FAM135B: variants seen among roughly 807,000 people sequenced by gnomAD.
FAM135B encodes the protein protein FAM135B.
Under a neutral mutation model 127.7 loss-of-function variants are expected in FAM135B, and 43 were observed. That is an observed-to-expected ratio of 0.34 (90% confidence interval 0.26 to 0.43). The LOEUF is 0.43. Among genes scored for constraint, FAM135B ranks in the 20% least tolerant of loss-of-function variants. FAM135B has a pLI of 1.00. For missense variants in FAM135B, 1,558 were observed against 1,725.6 expected, an observed-to-expected ratio of 0.90 and a Z score of 1.72; for synonymous variants, 670 against 665.1, an observed-to-expected ratio of 1.01 and a Z score of -0.11.
At position 138,243,312 on chromosome 8, in the gene FAM135B, C is replaced by T. The variant is rs1820998472; in HGVS notation, c.543-244G>A. On this transcript the variant is annotated intron_variant, in intron 6 of 19. Transcript: ENST00000395297. This position sits in a 1 kb window ranked among gnomAD's most constrained non-coding sequence, Gnocchi z 7.5. ...TCCTACAATGTGTGCATGTAAATGCCCACCCTAAATGCCAACAACATACCT... is the reference window on the plus strand; with the variant it reads ...TCCTACAATGTGTGCATGTAAATGCTCACCCTAAATGCCAACAACATACCT... Among the ~76,000 whole-genome samples the T allele has an allele frequency of 1.3e-5, 2 of 151,978 alleles. No homozygotes were observed. Among genetic ancestry groups the T allele is most frequent in the African/African-American group, 4.8e-5 (2 of 41,362 alleles).
At chr8:138,394,590 G>A (rs1832760149) in intron 1 of FAM135B, among the ~76,000 whole-genome samples, 2 of 152,162 alleles carry the variant, frequency 1.3e-5, no homozygotes. Context: ...TACCTGTGGT[G>A]GTCTCATTTC....
chr8:138,142,362 G>A (rs747243888), intron 16 of FAM135B, among the ~76,000 whole-genome samples: 27 of 127,132 alleles, frequency 2.1e-4, no homozygotes, highest in East Asian at 1.6e-3. Context: ...GTGCAGTGGC[G>A]CAATAATCTC....
chr8:138,403,056 C>T (rs1452192317), intron 1 of FAM135B, among the ~76,000 whole-genome samples: 5 of 152,164 alleles, frequency 3.3e-5, no homozygotes, highest in African/African-American at 1.2e-4. Context: ...GTACCTTGAT[C>T]GTGGAGACCC....
intron 1 of FAM135B, chr8:138,441,746 G>C (rs527514701): frequency 6.6e-5 from 10 of 150,828 alleles, no homozygotes; most frequent in African/African-American, 2.4e-4. Context: ...CCTTAGATTA[G>C]CTTGAGACCT....
intron 7 of FAM135B, among the ~76,000 whole-genome samples, chr8:138,231,816 T>C (rs1819928502): frequency 6.6e-6 from 1 of 152,138 alleles, no homozygotes; most frequent in Admixed American, 6.5e-5. Flanking sequence ...GAGCCAAACA[T>C]AAATAAATGC....
At chr8:138,378,602 A>G (rs935298296) in intron 1 of FAM135B, among the ~76,000 whole-genome samples, 1 of 152,168 alleles carries the variant, frequency 6.6e-6, no homozygotes, top group African/African-American at 2.4e-5. Context: ...TTAGGAGCAG[A>G]GGGGAGGCTA....
intron 7 of FAM135B, among the ~76,000 whole-genome samples, chr8:138,226,520 T>G (rs914147952): frequency 9.9e-5 from 15 of 152,124 alleles, no homozygotes; most frequent in Non-Finnish European, 1.5e-4. Flanking sequence ...AAAGGCCCTG[T>G]GGTTGCACAG....
chr8:138,402,439 T>C (rs1196671663), intron 1 of FAM135B, among the ~76,000 whole-genome samples: 3 of 152,174 alleles, frequency 2.0e-5, no homozygotes. Context: ...TTCTGTTTAC[T>C]GTAGCTCACC....
Position 138,151,401 on chromosome 8 carries a change from A to AC in FAM135B, c.3073_3074insG (p.Leu1025ArgfsTer62). ...TAAGTTCACAACCTCCACAGCCTTC[A>AC]GGCTGTCCAGAGTAAAGGTCTCTGC... On this transcript the variant is annotated frameshift_variant, in exon 13 of 20. Coordinates refer to ENST00000395297, the MANE Select transcript of FAM135B (RefSeq NM_015912.4). LOFTEE classifies it high-confidence loss of function. 1 of 1,613,914 alleles carries AC rather than the reference A, an allele frequency of 6.2e-7. No homozygotes were observed. The highest frequency in any genetic ancestry group is 8.5e-7 in the Non-Finnish European group (1 of 1,179,896).
chr8:138,384,633 TGTGA>T (rs1339898782), intron 1 of FAM135B, among the ~76,000 whole-genome samples: 2 of 152,066 alleles, frequency 1.3e-5, no homozygotes, highest in African/African-American at 4.8e-5. Flanking sequence ...AGTGTACGTG[TGTGA>T]GTATGTGTGT....
chr8:138,366,596 C>T (rs957492623), intron 2 of FAM135B, among the ~76,000 whole-genome samples: 1 of 152,184 alleles, frequency 6.6e-6, no homozygotes, highest in African/African-American at 2.4e-5. Flanking sequence ...ATTTCCCATT[C>T]TTCTCACTGC....
At chr8:138,412,130 G>A (rs1833904527) in intron 1 of FAM135B, among the ~76,000 whole-genome samples, 1 of 152,112 alleles carries the variant, frequency 6.6e-6, no homozygotes, top group South Asian at 2.1e-4. Context: ...CCGCTACCTG[G>A]GTGATGGGAT....
chr8:138,472,932 C>A (rs1386132559), intron 1 of FAM135B, among the ~76,000 whole-genome samples: 3 of 152,120 alleles, frequency 2.0e-5, no homozygotes, highest in Non-Finnish European at 4.4e-5. Context: ...AAATGGAGCA[C>A]ATTTTATCTG....
At chr8:138,372,514 C>A (rs553809747) in intron 1 of FAM135B, among the ~76,000 whole-genome samples, 12 of 152,258 alleles carry the variant, frequency 7.9e-5, no homozygotes, top group African/African-American at 2.6e-4. Flanking sequence ...GAACCAGACG[C>A]CTGGGTCTCA....
chr8:138,348,080 T>C (rs1429538847), intron 2 of FAM135B, among the ~76,000 whole-genome samples: 1 of 150,120 alleles, frequency 6.7e-6, no homozygotes, highest in African/African-American at 2.4e-5. Flanking sequence ...AGGCTCAAAG[T>C]TGCCCCCCAT....
intron 7 of FAM135B, among the ~76,000 whole-genome samples, chr8:138,234,241 A>G (rs1434191694): frequency 1.3e-5 from 2 of 152,252 alleles, no homozygotes; most frequent in African/African-American, 4.8e-5. Context: ...ACATGGAGAA[A>G]TTTGAATCAT....
intron 6 of FAM135B, among the ~76,000 whole-genome samples, chr8:138,249,033 G>A (rs1229513646): frequency 6.6e-6 from 1 of 152,012 alleles, no homozygotes; most frequent in Non-Finnish European, 1.5e-5. Context: ...TCCACTGCAG[G>A]AAGCTCTGCC....
At chr8:138,357,922 C>G (rs982926116) in intron 2 of FAM135B, among the ~76,000 whole-genome samples, 1 of 151,982 alleles carries the variant, frequency 6.6e-6, no homozygotes, top group Non-Finnish European at 1.5e-5. Context: ...ACATGGTGTC[C>G]GTTAGTATAT....
At chr8:138,217,839 T>C (rs574713330) in intron 7 of FAM135B, among the ~76,000 whole-genome samples, 218 of 152,308 alleles carry the variant, frequency 1.4e-3, no homozygotes, top group African/African-American at 5.1e-3. Flanking sequence ...ACGGAGTTTT[T>C]GTAGCAGTGG....
Sources: allele counts gnomAD v4.1 joint callset (sites outside exome capture counted in the v4.1 genomes callset), GRCh38; gene constraint gnomAD v4.1.1; non-coding constraint Gnocchi (gnomAD v3.1); transcripts MANE v1.5; gene names NCBI Gene and HGNC (gene_info 2026-07-23, HGNC 2026-07-21).